CA6: variants seen among roughly 807,000 people sequenced by gnomAD.
CA6 encodes the protein carbonate dehydratase VI.
Under a neutral mutation model 35.9 loss-of-function variants are expected in CA6, and 28 were observed. That is an observed-to-expected ratio of 0.78 (90% confidence interval 0.58 to 1.07). The LOEUF (loss-of-function observed/expected upper bound fraction) is 1.07. CA6 is among the 50% of genes least tolerant of loss of function. The pLI, the probability that CA6 is intolerant of heterozygous loss-of-function variation, is 0.00. For synonymous variants in CA6, 148 were observed against 152.6 expected, an observed-to-expected ratio of 0.97 and a Z score of 0.22; for missense variants, 377 against 382.0, an observed-to-expected ratio of 0.99 and a Z score of 0.11.
In CA6 at chr1:8,947,850, C is replaced by CT. The variant is rs527410056; in HGVS notation, c.80-1398dup. The stretch of plus-strand genomic sequence containing the variant: ...GCGGTGAGGGCCCTAGTACAGACAC[C>CT]TTTTTTTTTTTTTTTGAGAGTTTCA... On this transcript the variant is annotated intron_variant, in intron 1 of 7. Transcript: ENST00000377443. 6.8e-3 allele frequency among the ~76,000 whole-genome samples: 951 copies of CT among 140,528 alleles called. 17 individuals carry two copies. The highest frequency in any genetic ancestry group is 0.02 in the African/African-American group (747 of 37,100). The allele number at this position is 140,528 out of a possible 152,430, so 92.2% of individuals were successfully genotyped here.
chr1:8,971,278 G>A (rs1159947384), intron 7 of CA6, among the ~76,000 whole-genome samples: 2 of 151,724 alleles, frequency 1.3e-5, no homozygotes, highest in Non-Finnish European at 1.5e-5. Flanking sequence ...ACAACATCCG[G>A]AAGCTCTCAC....
chr1:8,951,662 C>T (rs771935393), intron 2 of CA6: 15 of 764,944 alleles, frequency 2.0e-5, no homozygotes, highest in South Asian at 1.2e-4. Flanking sequence ...CAGCGGCTCC[C>T]GCCTCCCAAT....
At chr1:8,951,701 T>C (rs775617674) in intron 2 of CA6, 1 of 762,288 alleles carries the variant, frequency 1.3e-6, no homozygotes, top group Non-Finnish European at 2.4e-6. Context: ...CTTCTTCCTT[T>C]AGGGCTCTGC....
At chr1:8,949,018 C>T (rs1458755313) in intron 1 of CA6, among the ~76,000 whole-genome samples, 1 of 151,876 alleles carries the variant, frequency 6.6e-6, no homozygotes, top group Non-Finnish European at 1.5e-5. Flanking sequence ...CTGTCTTGCT[C>T]CCAGGGCCAG....
At chr1:8,974,334 T>C in intron 7 of CA6, 3 of 1,462,576 alleles carry the variant, frequency 2.1e-6, no homozygotes, top group South Asian at 1.4e-5. Flanking sequence ...AGAAAACGCC[T>C]ATATCCCCTC....
intron 1 of CA6, among the ~76,000 whole-genome samples, chr1:8,946,805 G>GTTTTTT (rs60046591): frequency 7.8e-5 from 8 of 102,042 alleles, no homozygotes; most frequent in African/African-American, 2.3e-4. Context: ...TTTTTTTTTT[G>GTTTTTT]TTTTTTTTTT....
chr1:8,962,667 C>A lies in CA6; in HGVS notation c.571+11C>A, dbSNP rs1639870527. On this transcript the variant is annotated intron_variant, in intron 5 of 7. Coordinates refer to ENST00000377443, the MANE Select transcript of CA6 (RefSeq NM_001215.4). The stretch of plus-strand genomic sequence containing the variant: ...ACATCAAGTACCCAGGTAAGGGAAG[C>A]CAACTGTGGCTGCAGGAGGGAAGGG... The A allele has an allele frequency of 1.1e-5, 17 of 1,608,840 alleles. No homozygotes were observed. The highest frequency in any genetic ancestry group is 1.7e-5 in the Admixed American group (1 of 59,994).
At chr1:8,969,890 T>C (rs769298029) in intron 6 of CA6, among the ~76,000 whole-genome samples, 6 of 152,112 alleles carry the variant, frequency 3.9e-5, no homozygotes, top group Non-Finnish European at 7.4e-5. Context: ...GCAGCAAAGA[T>C]GCCTTTCAAG....
chr1:8,973,781 TTTCTTTTCCC>T, intron 7 of CA6, among the ~76,000 whole-genome samples: 1 of 47,826 alleles, frequency 2.1e-5, no homozygotes, highest in South Asian at 8.4e-4. Flanking sequence ...TCTTTCTTTC[TTTCTTTTCCC>T]TCCCTCCCTC....
Position 8,973,766 on chromosome 1 carries a change from T to TTC in CA6, c.845-854_845-853dup, listed in dbSNP as rs1255268089. 5.3e-3 allele frequency among the ~76,000 whole-genome samples: 114 copies of TTC among 21,620 alleles called. 4 individuals carry two copies. Among genetic ancestry groups the TTC allele is most frequent in the African/African-American group, 0.04 (108 of 2,720 alleles). The allele number at this position is 21,620 out of a possible 152,430, so 14.2% of individuals were successfully genotyped here. ...TTTCTTTCTTTCTTTCTTTCTTTCTTTCTTTCTTTCTTTCTTTCTTTTCCC... is the reference window on the plus strand; with the variant it reads ...TTTCTTTCTTTCTTTCTTTCTTTCTTTCTCTTTCTTTCTTTCTTTCTTTTCCC... On this transcript the variant is annotated intron_variant, in intron 7 of 7. Transcript: ENST00000377443.
intron 2 of CA6, among the ~76,000 whole-genome samples, chr1:8,955,633 G>A (rs78835875): frequency 0.027 from 4,070 of 149,124 alleles, 186 homozygotes; most frequent in African/African-American, 0.099. Flanking sequence ...TCCTTTTAAG[G>A]CCCTTCCACG....
intron 2 of CA6, among the ~76,000 whole-genome samples, chr1:8,954,988 A>T (rs1639634944): frequency 6.6e-6 from 1 of 151,990 alleles, no homozygotes; most frequent in African/African-American, 2.4e-5. Flanking sequence ...TCTAAAATGA[A>T]CTCCCAATTT....
chr1:8,953,185 C>T (rs1639586271), intron 2 of CA6, among the ~76,000 whole-genome samples: 1 of 152,182 alleles, frequency 6.6e-6, no homozygotes. Context: ...TTTAAGTTTC[C>T]TCCATGTCTT....
intron 1 of CA6, among the ~76,000 whole-genome samples, chr1:8,947,067 G>C (rs768655771): frequency 4.6e-5 from 7 of 152,002 alleles, no homozygotes; most frequent in Non-Finnish European, 8.8e-5. Context: ...GCCTCCCAAA[G>C]TGCTGGGATT....
At chr1:8,954,591 TA>T (rs1441861807) in intron 2 of CA6, among the ~76,000 whole-genome samples, 2 of 152,234 alleles carry the variant, frequency 1.3e-5, no homozygotes, top group African/African-American at 4.8e-5. Flanking sequence ...TGGTAACATA[TA>T]GACCAAGTTG....
chr1:8,949,562 G>C, intron 2 of CA6, 120 bp downstream of exon 2: 2 of 846,992 alleles, frequency 2.4e-6, no homozygotes, highest in Non-Finnish European at 3.7e-6. Context: ...CTCAGAGCTG[G>C]AGGCCTCGAA....
chr1:8,960,336 C>G (rs1235775977), intron 4 of CA6, among the ~76,000 whole-genome samples: 1 of 150,588 alleles, frequency 6.6e-6, no homozygotes, highest in Non-Finnish European at 1.5e-5. Flanking sequence ...CTGAGTGGAC[C>G]CAGAGTGATT....
At chr1:8,970,387 A>G (rs1435742365) in intron 6 of CA6, among the ~76,000 whole-genome samples, 1 of 152,176 alleles carries the variant, frequency 6.6e-6, no homozygotes, top group Non-Finnish European at 1.5e-5. Flanking sequence ...GCACGGATAG[A>G]TTAGTTCTGG....
At chr1:8,965,475 C>T (rs1036705466) in intron 5 of CA6, among the ~76,000 whole-genome samples, 4 of 152,110 alleles carry the variant, frequency 2.6e-5, no homozygotes, top group Admixed American at 1.3e-4. Context: ...TTCTAGGTAC[C>T]TCATATAAGT....
Sources: allele counts gnomAD v4.1 joint callset (sites outside exome capture counted in the v4.1 genomes callset), GRCh38; gene constraint gnomAD v4.1.1; transcripts MANE v1.5; gene names NCBI Gene and HGNC (gene_info 2026-07-23, HGNC 2026-07-21).